RRN3: variants seen among roughly 807,000 people sequenced by gnomAD.
RRN3 encodes the protein RNA polymerase I transcription factor RRN3, also known as RNA polymerase I-specific transcription initiation factor RRN3.
A neutral mutation model predicts 82.3 loss-of-function variants in RRN3; 38 were observed. The ratio of observed to expected loss-of-function variants is 0.46; its 90% CI spans 0.36 to 0.61. RRN3 has a LOEUF of 0.61. Ranked by LOEUF, RRN3 falls within the 20% of genes least tolerant of loss-of-function variation. The pLI is 0.00. For missense variants in RRN3, 726 were observed against 793.1 expected (o/e 0.92, Z 1.02); for synonymous variants, 284 against 284.3 (o/e 1.00, Z 0.01).
intron 14 of RRN3, 100 bp from the exon 15 acceptor site, chr16:15,068,377 T>C (rs1189220810): frequency 4.4e-5 from 62 of 1,420,354 alleles, no homozygotes; most frequent in Non-Finnish European, 5.5e-5. Context: ...TAAAAAAAAC[T>C]TTAAAAAATT....
rs959618888 is a variant in RRN3, at chr16:15,086,131, G to A, written c.470C>T (p.Pro157Leu). ...TAAAATTCCAAGCAATGACTTACGA[G>A]GCACAAAATGGGAAGCAATCATGCT... is the stretch of plus-strand genomic sequence containing the variant. The part of the protein sequence containing the change: ...CLSMIASHFV[P>L]PRVIIKEGDV... Residue 157 changes from proline (P) to leucine (L), a missense_variant and splice_region_variant, in exon 5 of 18, where the codon CCT becomes CTT. By Grantham distance (98) the Pro-to-Leu change is moderately conservative. Around this residue, in one of 4 missense-constraint regions of RRN3, gnomAD observed 344 missense variants for 394.5 expected, o/e 0.87. Transcript: ENST00000198767. 1.2e-6 allele frequency: 2 copies of A among 1,602,588 alleles called. No individual in the cohort carries two copies. Among genetic ancestry groups the A allele is most frequent in the African/African-American group, 2.7e-5 (2 of 74,068 alleles).
chr16:15,087,027 A>G (rs1448866011), intron 3 of RRN3, among the ~76,000 whole-genome samples: 1 of 152,248 alleles, frequency 6.6e-6, no homozygotes, highest in East Asian at 1.9e-4. Flanking sequence ...TGTTCATAGT[A>G]ATTGTTAGTG....
chr16:15,066,298 A>C (rs965950130), intron 15 of RRN3, among the ~76,000 whole-genome samples: 4 of 152,260 alleles, frequency 2.6e-5, no homozygotes, highest in African/African-American at 9.6e-5. Context: ...GTGACAAGGA[A>C]GCATGTGCCC....
chr16:15,078,124 T>A (rs1403666065), intron 9 of RRN3, among the ~76,000 whole-genome samples: 1 of 152,202 alleles, frequency 6.6e-6, no homozygotes, highest in Non-Finnish European at 1.5e-5. Context: ...CATTCTAAAA[T>A]GTTCCTTAAG....
intron 15 of RRN3, among the ~76,000 whole-genome samples, chr16:15,066,632 CAAAT>C (rs1210682584): frequency 7.6e-6 from 1 of 131,616 alleles, no homozygotes; most frequent in Non-Finnish European, 1.7e-5. Context: ...GACCTTGTCT[CAAAT>C]AAAAAAAAAA....
intron 14 of RRN3, among the ~76,000 whole-genome samples, chr16:15,068,744 A>G (rs951265494): frequency 6.6e-6 from 1 of 152,210 alleles, no homozygotes; most frequent in Non-Finnish European, 1.5e-5. Flanking sequence ...TCTAAACAAG[A>G]AAACTCCAAA....
In RRN3 at chr16:15,065,424, C is replaced by T. The variant is rs528285643; in HGVS notation, c.1554-53G>A. The T allele has an allele frequency of 2.1e-4, 320 of 1,552,760 alleles. No homozygotes were observed. The African/African-American group carries it at 3.6e-3, about 18-fold the overall frequency. On this transcript the variant is annotated intron_variant, in intron 15 of 17. Transcript: ENST00000198767. ...GAGGCATTAACATGCTGGAGTGACTCGGTGCAGATGTGAGCTGCGTGTGAC... is the reference window on the plus strand; with the variant it reads ...GAGGCATTAACATGCTGGAGTGACTTGGTGCAGATGTGAGCTGCGTGTGAC...
At chr16:15,074,068 C>G (rs970565475) in intron 11 of RRN3, among the ~76,000 whole-genome samples, 1 of 152,188 alleles carries the variant, frequency 6.6e-6, no homozygotes, top group Non-Finnish European at 1.5e-5. Context: ...CTTCAAAATG[C>G]TCACAATGGT....
intron 16 of RRN3, among the ~76,000 whole-genome samples, chr16:15,063,923 C>T (rs2044836912): frequency 6.6e-6 from 1 of 152,006 alleles, no homozygotes; most frequent in African/African-American, 2.4e-5. Flanking sequence ...GGAAATGAAA[C>T]CGTAATATTC....
At chr16:15,091,185 C>T (rs1026809356) in intron 3 of RRN3, 130 bp downstream of exon 3, 2 of 1,030,726 alleles carry the variant, frequency 1.9e-6, no homozygotes. Context: ...TGGTTGAGAA[C>T]CACCAGATTA....
chr16:15,077,351 T>A (rs1597937905), intron 9 of RRN3, among the ~76,000 whole-genome samples: 1 of 152,204 alleles, frequency 6.6e-6, no homozygotes, highest in East Asian at 1.9e-4. Flanking sequence ...TGGGAGATAA[T>A]TTGAATCATA....
intron 12 of RRN3, among the ~76,000 whole-genome samples, chr16:15,072,023 G>C (rs1200485128): frequency 6.6e-6 from 1 of 152,132 alleles, no homozygotes; most frequent in Non-Finnish European, 1.5e-5. Context: ...CGCACAGCTG[G>C]TATTTGAGTT....
intron 15 of RRN3, among the ~76,000 whole-genome samples, chr16:15,066,479 A>G (rs2044978484): frequency 6.6e-6 from 1 of 151,910 alleles, no homozygotes; most frequent in Non-Finnish European, 1.5e-5. Flanking sequence ...CTAAAAATAC[A>G]AAAATTAGCT....
chr16:15,071,053 C>T, intron 13 of RRN3, 68 bp downstream of exon 13: 2 of 1,391,878 alleles, frequency 1.4e-6, no homozygotes, highest in Non-Finnish European at 2.0e-6. Flanking sequence ...ATATTTCTGA[C>T]TTGAGACAAT....
chr16:15,086,532 C>G, intron 3 of RRN3, 78 bp from the exon 4 acceptor site: 1 of 1,582,166 alleles, frequency 6.3e-7, no homozygotes, highest in Non-Finnish European at 8.6e-7. Context: ...TTATATCAAT[C>G]ATTTATCAAG....
At position 15,065,358 on chromosome 16, in the gene RRN3, C is replaced by T. The variant is rs146534627; in HGVS notation, c.1567G>A (p.Val523Ile). The T allele has an allele frequency of 1.4e-4, 226 of 1,613,026 alleles. No individual in the cohort carries two copies. The African/African-American group carries it at 2.2e-3, about 16-fold the overall frequency. The part of the protein sequence containing the change: ...FAAITNKYQL[V>I]FCYTIIERNN... ...CTCTCAATGATGGTGTAGCAGAAGA[C>T]GAGCTGGTACTTACTGTGGAACAAA... The change falls in exon 16 of 18, where the codon GTC (valine) becomes ATC (isoleucine). Residue 523 changes from valine (V) to isoleucine (I), a missense_variant. Transcript: ENST00000198767.
rs1598022471 is a variant in RRN3, at chr16:15,092,559, T to C, written c.145A>G (p.Thr49Ala). ...NDFFNSPPRKTVRFGGTVTEV... is the reference protein window; with the variant it reads ...NDFFNSPPRKAVRFGGTVTEV... ...GTCACAGTTCCACCAAACCGAACAG[T>C]TTTTCTTGGGGGAGAATTGAAAAAG... Residue 49 changes from threonine to alanine, a missense_variant, in exon 2 of 18, where the codon ACT (threonine) becomes GCT (alanine). Thr to Ala is a moderately conservative substitution (Grantham distance 58, BLOSUM62 0). Transcript: ENST00000198767. 6.2e-7 allele frequency: 1 copy of C among 1,613,686 alleles called. No homozygotes were observed. The highest frequency in any genetic ancestry group is 2.2e-5 in the East Asian group (1 of 44,872).
chr16:15,069,106 A>T (rs1467062182), intron 14 of RRN3, among the ~76,000 whole-genome samples: 7 of 152,178 alleles, frequency 4.6e-5, no homozygotes, highest in African/African-American at 1.7e-4. Context: ...AGGTAAACAT[A>T]TATAATGCAA....
intron 3 of RRN3, 29 bp from the exon 4 acceptor site, chr16:15,086,483 A>G: frequency 1.2e-6 from 2 of 1,609,608 alleles, no homozygotes; most frequent in Non-Finnish European, 1.7e-6. Context: ...TACTTTCAAA[A>G]TCACAAATCC....
Sources: allele counts gnomAD v4.1 joint callset (sites outside exome capture counted in the v4.1 genomes callset), GRCh38; gene constraint gnomAD v4.1.1; regional missense constraint gnomAD v4.1.1; transcripts MANE v1.5; gene names NCBI Gene and HGNC (gene_info 2026-07-23, HGNC 2026-07-21).